Variants in PEAK1 observed in about 807,000 individuals in gnomAD.
The protein encoded by PEAK1 is pseudopodium enriched atypical kinase 1, also known as inactive tyrosine-protein kinase PEAK1.
PEAK1 carries 54 observed loss-of-function variants against 124.7 expected under a neutral mutation model. That is an observed-to-expected ratio of 0.43 (90% confidence interval 0.35 to 0.54). The LOEUF is 0.54. Among genes scored for constraint, PEAK1 ranks in the 20% least tolerant of loss-of-function variants. PEAK1 has a pLI of 0.01. For synonymous variants in PEAK1, 719 were observed against 760.0 expected (o/e 0.95, Z 0.89); for missense variants, 2,046 against 2,134.5 (o/e 0.96, Z 0.82).
intron 7 of PEAK1, among the ~76,000 whole-genome samples, chr15:77,171,736 T>C (rs2056523536): frequency 6.6e-6 from 1 of 152,216 alleles, no homozygotes; most frequent in Admixed American, 6.5e-5. Context: ...GATATGCTAA[T>C]TTCCCTGATC....
chr15:77,350,506 A>G (rs1013369425), intron 2 of PEAK1: 2 of 984,376 alleles, frequency 2.0e-6, no homozygotes, highest in Non-Finnish European at 2.4e-6. Flanking sequence ...GAATTTTTTA[A>G]GCTACATTTG....
At chr15:77,283,795 A>C (rs2062788916) in intron 5 of PEAK1, 88 bp downstream of exon 5, 1 of 561,954 alleles carries the variant, frequency 1.8e-6, no homozygotes. Flanking sequence ...AGGATATTAA[A>C]AGTCAATTAT....
chr15:77,237,822 T>C (rs1567151639), intron 6 of PEAK1, among the ~76,000 whole-genome samples: 1 of 152,178 alleles, frequency 6.6e-6, no homozygotes, highest in Non-Finnish European at 1.5e-5. Flanking sequence ...TCTTCGTTTC[T>C]TTTAATTGAA....
chr15:77,281,181 T>C (rs2062654176), intron 5 of PEAK1, among the ~76,000 whole-genome samples: 1 of 152,120 alleles, frequency 6.6e-6, no homozygotes, highest in Non-Finnish European at 1.5e-5. Context: ...AAAAAGTCTA[T>C]TTCCTTTATT....
chr15:77,199,836 A>C (rs181671606), intron 6 of PEAK1, among the ~76,000 whole-genome samples: 7 of 152,302 alleles, frequency 4.6e-5, no homozygotes, highest in African/African-American at 1.7e-4. Flanking sequence ...GTGCCAGAAA[A>C]CAGATTGAGG....
chr15:77,398,200 C>T (rs2071061309), intron 1 of PEAK1, among the ~76,000 whole-genome samples: 2 of 152,154 alleles, frequency 1.3e-5, no homozygotes, highest in Admixed American at 6.5e-5. Flanking sequence ...AACACAAATG[C>T]TACTCAAACT....
chr15:77,115,382 G>T, intron 9 of PEAK1, 63 bp from the exon 10 acceptor site: 1 of 1,443,486 alleles, frequency 6.9e-7, no homozygotes, highest in Non-Finnish European at 9.5e-7. Flanking sequence ...ATGTATCAGG[G>T]AAGATTAACT....
At chr15:77,248,407 T>C (rs2060693321) in intron 6 of PEAK1, among the ~76,000 whole-genome samples, 1 of 152,236 alleles carries the variant, frequency 6.6e-6, no homozygotes, top group African/African-American at 2.4e-5. Context: ...GAATGAATAT[T>C]TGTGTCCTCC....
intron 6 of PEAK1, among the ~76,000 whole-genome samples, chr15:77,217,093 G>A (rs1402332047): frequency 6.6e-6 from 1 of 151,950 alleles, no homozygotes; most frequent in Non-Finnish European, 1.5e-5. Context: ...GCTGGGCATG[G>A]TGGCATGCAC....
chr15:77,414,236 G>T lies in PEAK1; in HGVS notation c.-666+5770C>A, dbSNP rs1223540052. Among the ~76,000 whole-genome samples the T allele has an allele frequency of 2.1e-3, 139 of 66,244 alleles. 1 individual carries two copies. The highest frequency in any genetic ancestry group is 2.9e-3 in the Non-Finnish European group (73 of 25,336). 43.5% of individuals were successfully genotyped at this position (66,244 alleles called of 152,430 possible). A position where few individuals can be genotyped will look rare whatever the true frequency, so the allele number is the denominator to read the frequency against. On this transcript the variant is annotated intron_variant, in intron 1 of 9. Transcript: ENST00000682557. Reference sequence around the variant, plus strand: ...TTTTTTTTTTTTTTTTTGAGACAGGGTCTTGCTCTGTCACCCAGGCTGGAG... The same window carrying T: ...TTTTTTTTTTTTTTTTTGAGACAGGTTCTTGCTCTGTCACCCAGGCTGGAG...
chr15:77,227,096 G>C (rs114368343), intron 6 of PEAK1, among the ~76,000 whole-genome samples: 1 of 152,220 alleles, frequency 6.6e-6, no homozygotes, highest in Admixed American at 6.5e-5. Flanking sequence ...GCAGGTCTGA[G>C]AGGGGGCTCA....
chr15:77,134,047 C>T (rs1382775690), intron 8 of PEAK1, among the ~76,000 whole-genome samples: 1 of 152,138 alleles, frequency 6.6e-6, no homozygotes, highest in African/African-American at 2.4e-5. Flanking sequence ...TCCAGTCCCA[C>T]CCTTCAGAGT....
At chr15:77,280,838 G>C (rs541411419) in intron 5 of PEAK1, among the ~76,000 whole-genome samples, 2 of 152,022 alleles carry the variant, frequency 1.3e-5, no homozygotes, top group African/African-American at 2.4e-5. Flanking sequence ...GAATAATCAG[G>C]CTTCTGACTA....
intron 1 of PEAK1, among the ~76,000 whole-genome samples, chr15:77,391,466 T>A: frequency 2.2e-5 from 2 of 91,252 alleles, no homozygotes; most frequent in Admixed American, 1.7e-4. Context: ...GGCACCAACC[T>A]AACTCATGGC....
intron 1 of PEAK1, chr15:77,417,199 TCTC>T (rs931379915): frequency 3.8e-6 from 1 of 266,642 alleles, no homozygotes; most frequent in Non-Finnish European, 5.8e-6. Flanking sequence ...TCACCTATCT[TCTC>T]CTCCTCAACT....
At chr15:77,118,467 T>C (rs1465214651) in intron 9 of PEAK1, among the ~76,000 whole-genome samples, 1 of 152,198 alleles carries the variant, frequency 6.6e-6, no homozygotes, top group Non-Finnish European at 1.5e-5. Context: ...AACAAATTTC[T>C]AGTTCAAAAG....
chr15:77,359,135 T>C (rs993200064), intron 2 of PEAK1, among the ~76,000 whole-genome samples: 9 of 152,116 alleles, frequency 5.9e-5, no homozygotes, highest in Admixed American at 2.6e-4. Context: ...GTTTTCACCC[T>C]AAGATCAGAA....
intron 5 of PEAK1, among the ~76,000 whole-genome samples, chr15:77,281,440 A>G (rs2062668552): frequency 6.6e-6 from 1 of 152,344 alleles, no homozygotes; most frequent in South Asian, 2.1e-4. Flanking sequence ...GCTGCAGACT[A>G]GCAATGTATT....
At chr15:77,409,507 A>G (rs2072222138) in intron 1 of PEAK1, among the ~76,000 whole-genome samples, 1 of 152,230 alleles carries the variant, frequency 6.6e-6, no homozygotes, top group Admixed American at 6.5e-5. Flanking sequence ...TTACTCTCAG[A>G]AAGTAACATG....
Sources: allele counts gnomAD v4.1 joint callset (sites outside exome capture counted in the v4.1 genomes callset), GRCh38; gene constraint gnomAD v4.1.1; transcripts MANE v1.5; gene names NCBI Gene and HGNC (gene_info 2026-07-23, HGNC 2026-07-21).